Variants in ZBTB20 observed in about 807,000 individuals in gnomAD.
ZBTB20 encodes zinc finger and BTB domain containing 20.
ZBTB20 carries 9 observed loss-of-function variants against 56.9 expected under a neutral mutation model. That is an observed-to-expected ratio of 0.16 (90% CI 0.10 to 0.28). ZBTB20 has a LOEUF of 0.28. ZBTB20 is among the 10% of genes least tolerant of loss of function. The pLI, the probability that ZBTB20 is intolerant of heterozygous loss-of-function variation, is 1.00. For missense variants in ZBTB20, 655 were observed against 1,003.0 expected, an observed-to-expected ratio of 0.65 and a Z score of 4.69; for synonymous variants, 417 against 420.7, an observed-to-expected ratio of 0.99 and a Z score of 0.11.
chr3:115,030,371 C>T (rs1445234357), intron 2 of ZBTB20, among the ~76,000 whole-genome samples: 1 of 151,110 alleles, frequency 6.6e-6, no homozygotes, highest in Non-Finnish European at 1.5e-5. Flanking sequence ...CATTGTTGTA[C>T]ACCATCAAAT....
intron 7 of ZBTB20, among the ~76,000 whole-genome samples, chr3:114,451,705 C>T (rs576609888): frequency 6.6e-6 from 1 of 152,214 alleles, no homozygotes; most frequent in African/African-American, 2.4e-5. Flanking sequence ...GAAAAGGAAT[C>T]TAAATAAAAA....
At chr3:114,392,772 T>G (rs2085995286) in intron 7 of ZBTB20, among the ~76,000 whole-genome samples, 2 of 152,216 alleles carry the variant, frequency 1.3e-5, no homozygotes. Context: ...GCCTTGTTCT[T>G]CTCTTGTAGT....
chr3:114,854,064 A>G (rs1463769859), intron 4 of ZBTB20, among the ~76,000 whole-genome samples: 1 of 152,186 alleles, frequency 6.6e-6, no homozygotes, highest in Non-Finnish European at 1.5e-5. Flanking sequence ...TGGAGTGAGT[A>G]GTTCCAGATT....
Position 114,380,244 on chromosome 3 carries a change from A to G in ZBTB20, c.172T>C (p.Ser58Pro), listed in dbSNP as rs1454955241. Residue 58 changes from serine (S) to proline (P), a missense_variant, in exon 10 of 12, where the codon TCT (serine) becomes CCT (proline). Coordinates refer to ENST00000675478, the MANE Select transcript of ZBTB20 (RefSeq NM_001348800.3). The part of the protein sequence containing the change: ...LIHSTHSLTN[S>P]HAHTGSSDCD... Reference sequence around the variant, plus strand: ...TCAGATGACCCGGTGTGAGCGTGAGAGTTTGTCAGTGAATGTGTTGAGTGG... The same window carrying G: ...TCAGATGACCCGGTGTGAGCGTGAGGGTTTGTCAGTGAATGTGTTGAGTGG... The G allele has an allele frequency of 7.8e-6, 12 of 1,536,806 alleles. No homozygotes were observed. The East Asian group carries it at 2.9e-4, about 38-fold the overall frequency.
chr3:114,675,738 A>C (rs955075009), intron 6 of ZBTB20, among the ~76,000 whole-genome samples: 1 of 152,112 alleles, frequency 6.6e-6, no homozygotes, highest in African/African-American at 2.4e-5. Context: ...AAGTAGAAAA[A>C]CTGCACTTTA....
intron 5 of ZBTB20, among the ~76,000 whole-genome samples, chr3:114,715,383 G>A (rs1442809917): frequency 1.3e-5 from 2 of 152,162 alleles, no homozygotes; most frequent in Admixed American, 1.3e-4. Flanking sequence ...TTTAAGGAAG[G>A]TTAGGGATAA....
intron 6 of ZBTB20, chr3:114,520,013 T>C (rs2046451182): frequency 6.7e-6 from 1 of 149,684 alleles, no homozygotes. Context: ...AATGATTCAA[T>C]GCTAGAAAAA....
intron 11 of ZBTB20, among the ~76,000 whole-genome samples, chr3:114,349,060 C>T (rs547229097): frequency 1.6e-4 from 25 of 151,944 alleles, no homozygotes; most frequent in Admixed American, 5.2e-4. Context: ...GTTAAATGAG[C>T]GTGGTGGCAT....
intron 2 of ZBTB20, among the ~76,000 whole-genome samples, chr3:115,035,044 A>C (rs2080857352): frequency 6.6e-6 from 1 of 152,006 alleles, no homozygotes; most frequent in African/African-American, 2.4e-5. Context: ...CTTACCTAAC[A>C]CCATATATAA....
intron 4 of ZBTB20, among the ~76,000 whole-genome samples, chr3:114,824,998 C>A (rs1279738570): frequency 6.6e-6 from 1 of 151,860 alleles, no homozygotes; most frequent in Non-Finnish European, 1.5e-5. Flanking sequence ...TTTAGGAACT[C>A]AGATACTTCA....
rs929629009 is a variant in ZBTB20 at position 114,327,075 on chromosome 3, G to A, written c.*11930C>T. ...TTCTGTCTATTATTTTGATGCATTA[G>A]TTACTGTTAGGGCTATTGATGCTCC... On this transcript the variant is annotated 3_prime_UTR_variant, in exon 12 of 12. Transcript: ENST00000675478. 6.6e-6 allele frequency: 1 copy of A among 152,118 alleles called. No homozygotes were observed. The highest frequency in any genetic ancestry group is 6.5e-5 in the Admixed American group (1 of 15,268). The allele number at this position is 152,118 out of a possible 1,614,324, so 9.4% of individuals were successfully genotyped here. A position where few individuals can be genotyped will look rare whatever the true frequency, so the allele number is the denominator to read the frequency against.
At chr3:114,434,497 C>T (rs1322446259) in intron 7 of ZBTB20, among the ~76,000 whole-genome samples, 1 of 150,234 alleles carries the variant, frequency 6.7e-6, no homozygotes, top group African/African-American at 2.5e-5. Flanking sequence ...TCCTCTTGGA[C>T]ACTCTAGTCC....
intron 3 of ZBTB20, among the ~76,000 whole-genome samples, chr3:114,926,142 C>T (rs1277461294): frequency 6.6e-6 from 1 of 152,194 alleles, no homozygotes; most frequent in Non-Finnish European, 1.5e-5. Context: ...CCCGTTCCTT[C>T]CCAGAGTTCC....
At chr3:114,511,734 T>A (rs1276755951) in intron 6 of ZBTB20, among the ~76,000 whole-genome samples, 1 of 152,192 alleles carries the variant, frequency 6.6e-6, no homozygotes, top group African/African-American at 2.4e-5. Context: ...TTCTATAAGG[T>A]CTTCAGTGTG....
intron 6 of ZBTB20, among the ~76,000 whole-genome samples, chr3:114,555,123 G>A (rs1000244872): frequency 1.3e-5 from 2 of 152,032 alleles, no homozygotes; most frequent in Admixed American, 6.6e-5. Context: ...TAAATTTCTG[G>A]TTAAAAACCT....
intron 6 of ZBTB20, among the ~76,000 whole-genome samples, chr3:114,504,392 A>T (rs947380899): frequency 6.6e-6 from 1 of 152,158 alleles, no homozygotes. Flanking sequence ...TGAGCAGTGT[A>T]ACGGGAGTAG....
At chr3:115,069,277 C>A (rs2082318672) in intron 2 of ZBTB20, among the ~76,000 whole-genome samples, 1 of 152,104 alleles carries the variant, frequency 6.6e-6, no homozygotes, top group African/African-American at 2.4e-5. Context: ...AGCTAACAGT[C>A]TTTTTTGTCA....
chr3:115,056,981 TA>T (rs1472828289), intron 2 of ZBTB20, among the ~76,000 whole-genome samples: 2 of 151,348 alleles, frequency 1.3e-5, no homozygotes, highest in Admixed American at 6.6e-5. Context: ...AGCACATATC[TA>T]TTCCAGAATA....
intron 4 of ZBTB20, among the ~76,000 whole-genome samples, chr3:114,827,290 C>G (rs890986266): frequency 6.6e-6 from 1 of 151,558 alleles, no homozygotes; most frequent in Non-Finnish European, 1.5e-5. Flanking sequence ...ACCTGCTACC[C>G]CTGACCTCGA....
Sources: gnomAD v4.1 joint callset for allele counts (sites outside exome capture counted in the v4.1 genomes callset) on GRCh38, gnomAD v4.1.1 for gene constraint, MANE v1.5 for transcripts, NCBI Gene and HGNC (gene_info 2026-07-23, HGNC 2026-07-21) for gene names.